The following FCRL1 variants were observed in gnomAD, a reference collection of about 807,000 sequenced individuals.
FCRL1 encodes the protein Fc receptor-like protein 1.
FCRL1 carries 34 observed loss-of-function variants against 49.2 expected under a neutral mutation model. The observed-to-expected ratio is 0.69, with a 90% CI of 0.53 to 0.92. The LOEUF is 0.92. Ranked by LOEUF, FCRL1 falls within the 40% of genes least tolerant of loss-of-function variation. FCRL1 has a pLI of 0.00. For missense variants in FCRL1, 524 were observed against 524.1 expected (o/e 1.00, Z 0.00); for synonymous variants, 218 against 201.6 (o/e 1.08, Z -0.69).
intron 9 of FCRL1, 64 bp from the exon 10 acceptor site, chr1:157,797,196 G>A: frequency 1.4e-6 from 2 of 1,459,530 alleles, no homozygotes; most frequent in Non-Finnish European, 1.9e-6. Context: ...CTAAACTTGT[G>A]TTAAGAAAAG....
intron 1 of FCRL1, among the ~76,000 whole-genome samples, chr1:157,817,036 G>A (rs913739670): frequency 6.6e-6 from 1 of 151,926 alleles, no homozygotes; most frequent in Non-Finnish European, 1.5e-5. Flanking sequence ...GATATCACAT[G>A]TTCATGGATT....
intron 1 of FCRL1, among the ~76,000 whole-genome samples, chr1:157,819,558 G>T (rs985999818): frequency 3.3e-5 from 5 of 152,136 alleles, no homozygotes; most frequent in Admixed American, 1.3e-4. Flanking sequence ...ACACAACTTA[G>T]TGGGGGTGGG....
chr1:157,803,734 C>A lies in FCRL1; in HGVS notation c.319+111G>T. On this transcript the variant is annotated intron_variant, in intron 3 of 10. Coordinates refer to ENST00000368176, the MANE Select transcript of FCRL1 (RefSeq NM_052938.5). ...AATAATGAGAGAAACTCAGGAATAT[C>A]TTTCAAACAGCTCCTACTCTTGCAG... 1.3e-5 allele frequency: 18 copies of A among 1,364,830 alleles called. No individual in the cohort carries two copies. In the South Asian group the frequency reaches 2.6e-4, roughly 20 times the overall value. The allele number at this position is 1,364,830 out of a possible 1,614,324, so 84.5% of individuals were successfully genotyped here.
At chr1:157,804,165 G>C (rs1328689214) in intron 2 of FCRL1, 54 bp from the exon 3 acceptor site, 2 of 1,590,076 alleles carry the variant, frequency 1.3e-6, no homozygotes, top group African/African-American at 1.3e-5. Flanking sequence ...TTTCTGGTAA[G>C]AGGCAGTTTG....
At chr1:157,814,749 A>G (rs1314492155) in intron 1 of FCRL1, among the ~76,000 whole-genome samples, 1 of 151,974 alleles carries the variant, frequency 6.6e-6, no homozygotes, top group Non-Finnish European at 1.5e-5. Context: ...ACATACATAA[A>G]CAGAAAGTAA....
intron 1 of FCRL1, among the ~76,000 whole-genome samples, chr1:157,819,126 C>G (rs957819706): frequency 5.9e-5 from 9 of 152,090 alleles, no homozygotes; most frequent in Non-Finnish European, 1.3e-4. Context: ...AGCAAGATTA[C>G]ACAATGAGAG....
At chr1:157,803,731 T>C in intron 3 of FCRL1, 114 bp downstream of exon 3, 1 of 1,328,010 alleles carries the variant, frequency 7.5e-7, no homozygotes, top group Non-Finnish European at 1.0e-6. Context: ...AACTCAGGAA[T>C]ATCTTTCAAA....
intron 5 of FCRL1, 101 bp downstream of exon 5, chr1:157,801,814 A>G (rs756505688): frequency 1.3e-4 from 178 of 1,409,330 alleles, no homozygotes; most frequent in Non-Finnish European, 1.7e-4. Flanking sequence ...AGGCCCCACC[A>G]TGGGTAGCAA....
Position 157,801,472 on chromosome 1 carries a change from T to C in FCRL1, c.992A>G (p.Lys331Arg). The part of the protein sequence containing the change: ...TVALLFCYGL[K>R]RKIGRRSARD... ...CTTTAAATACTAACCTATTTTTCTT[T>C]TGAGGCCGTAGCAAAATAATAAGGC... The change falls in exon 6 of 11, where the codon AAA becomes AGA. Residue 331 changes from lysine to arginine, a missense_variant. Lys to Arg is a conservative substitution (Grantham distance 26, BLOSUM62 2). Coordinates refer to ENST00000368176, the MANE Select transcript of FCRL1 (RefSeq NM_052938.5). The C allele has an allele frequency of 6.2e-7, 1 of 1,610,046 alleles. No homozygotes were observed.
At chr1:157,800,933 C>T (rs1652346757) in intron 6 of FCRL1, among the ~76,000 whole-genome samples, 1 of 151,902 alleles carries the variant, frequency 6.6e-6, no homozygotes, top group Admixed American at 6.6e-5. Flanking sequence ...CACTCTGTCA[C>T]CAGGCTAGAG....
At chr1:157,813,914 G>A (rs1268477800) in intron 1 of FCRL1, among the ~76,000 whole-genome samples, 1 of 152,030 alleles carries the variant, frequency 6.6e-6, no homozygotes, top group East Asian at 1.9e-4. Context: ...ATGCAGGCCA[G>A]GAAAGAATAA....
chr1:157,795,655 G>A lies in FCRL1; in HGVS notation c.*444C>T, dbSNP rs1295685890. 6.5e-6 allele frequency: 1 copy of A among 153,216 alleles called. No individual in the cohort carries two copies. Among genetic ancestry groups the A allele is most frequent in the East Asian group, 1.9e-4 (1 of 5,224 alleles). 9.5% of individuals were successfully genotyped at this position (153,216 alleles called of 1,614,324 possible). On this transcript the variant is annotated 3_prime_UTR_variant, in exon 11 of 11. Coordinates refer to ENST00000368176, the MANE Select transcript of FCRL1 (RefSeq NM_052938.5). ...ATGATCCATGTAAGTAGCGGGGCTG[G>A]AGTTCTGTGCTGTCTGGGCAGAGAA...
At chr1:157,800,355 T>C (rs1178637605) in intron 6 of FCRL1, among the ~76,000 whole-genome samples, 1 of 152,194 alleles carries the variant, frequency 6.6e-6, no homozygotes, top group Admixed American at 6.5e-5. Flanking sequence ...ACTTGCACAT[T>C]TATTGTATGT....
chr1:157,811,349 A>C (rs1404971861), intron 1 of FCRL1, among the ~76,000 whole-genome samples: 1 of 152,202 alleles, frequency 6.6e-6, no homozygotes, highest in Non-Finnish European at 1.5e-5. Flanking sequence ...TGGCTACATA[A>C]AGAAGGGAAT....
At chr1:157,797,802 A>C in intron 9 of FCRL1, 66 bp downstream of exon 9, 1 of 1,613,150 alleles carries the variant, frequency 6.2e-7, no homozygotes, top group Non-Finnish European at 8.5e-7. Flanking sequence ...ATGCACAGCC[A>C]CTGATTGTTC....
chr1:157,798,315 G>C lies in FCRL1; in HGVS notation c.1032-72C>G, dbSNP rs752891679. The C allele has an allele frequency of 8.6e-6, 11 of 1,282,318 alleles. No homozygotes were observed. In the East Asian group the frequency reaches 2.6e-4, roughly 30 times the overall value. 79.4% of individuals were successfully genotyped at this position (1,282,318 alleles called of 1,614,324 possible). ...ATCATGCAGATATCACACTGAAGGAGAGAAGCCTGTGACAAATTGTCCTGA... is the reference window on the plus strand; with the variant it reads ...ATCATGCAGATATCACACTGAAGGACAGAAGCCTGTGACAAATTGTCCTGA... On this transcript the variant is annotated intron_variant, in intron 7 of 10. Coordinates refer to ENST00000368176, the MANE Select transcript of FCRL1 (RefSeq NM_052938.5).
At chr1:157,811,028 G>C (rs553077603) in intron 1 of FCRL1, among the ~76,000 whole-genome samples, 1 of 152,020 alleles carries the variant, frequency 6.6e-6, no homozygotes, top group African/African-American at 2.4e-5. Context: ...CGATCCTCCC[G>C]CCTCAACCTC....
At position 157,803,985 on chromosome 1, in the gene FCRL1, G is replaced by T. The variant is rs149142723; in HGVS notation, c.179C>A (p.Ala60Asp). The T allele has an allele frequency of 1.2e-6, 2 of 1,614,044 alleles. No individual in the cohort carries two copies. The highest frequency in any genetic ancestry group is 1.7e-6 in the Non-Finnish European group (2 of 1,180,036). The change falls in exon 3 of 11, where the codon GCC (alanine) becomes GAC (aspartate). Residue 60 changes from alanine (A) to aspartate (D), a missense_variant. By Grantham distance (126) the Ala-to-Asp change is moderately radical. Transcript: ENST00000368176. ...FQFCFFRDTR[A>D]LGPGWSSSPK... is the part of the protein sequence containing the mutation. ...GGAGCTGCTCCAGCCTGGGCCCAAG[G>T]CCCGGGTGTCTCTGAAAAAGCAGAA... is the stretch of plus-strand genomic sequence containing the variant.
At chr1:157,804,247 C>A in intron 2 of FCRL1, 136 bp from the exon 3 acceptor site, 2 of 407,400 alleles carry the variant, frequency 4.9e-6, no homozygotes, top group Non-Finnish European at 6.8e-6. Context: ...CATGTCTCCA[C>A]CCCCCCCCCA....
Sources: gnomAD v4.1 joint callset for allele counts (sites outside exome capture counted in the v4.1 genomes callset) on GRCh38, gnomAD v4.1.1 for gene constraint, MANE v1.5 for transcripts, NCBI Gene and HGNC (gene_info 2026-07-23, HGNC 2026-07-21) for gene names.